CHD3: variants seen among roughly 807,000 people sequenced by gnomAD.
CHD3 encodes chromodomain helicase DNA binding protein 3.
A neutral mutation model predicts 248.9 loss-of-function variants in CHD3; 52 were observed. The ratio of observed to expected loss-of-function variants is 0.21; its 90% CI spans 0.17 to 0.26. CHD3 has a LOEUF of 0.26. CHD3 is among the 10% of genes least tolerant of loss of function. The probability of loss-of-function intolerance (pLI) is 1.00; values close to 1 mark genes in which losing one functional copy is unlikely to be tolerated. For synonymous variants in CHD3, 985 were observed against 985.2 expected (o/e 1.00, Z 0.00); for missense variants, 1,482 against 2,605.8 (o/e 0.57, Z 9.39).
chr17:7,887,191 T>G (rs1417535602), upstream of CHD3, among the ~76,000 whole-genome samples: 1 of 152,240 alleles, frequency 6.6e-6, no homozygotes, highest in Admixed American at 6.5e-5. Flanking sequence ...TCGCTCTTCC[T>G]TGTCTAGAGT....
rs781256088 is a variant in CHD3, at chr17:7,902,927, C to A, written c.3371-10C>A. On this transcript the variant is annotated splice_polypyrimidine_tract_variant and intron_variant, in intron 21 of 39. Transcript: ENST00000330494. ...TACAAGAAAAACCTGATCCAACTCT[C>A]ACCTCCTAGCTCCTGGGGCCCAACA... 6.2e-7 allele frequency: 1 copy of A among 1,613,974 alleles called. No homozygotes were observed. The highest frequency in any genetic ancestry group is 8.5e-7 in the Non-Finnish European group (1 of 1,179,940).
In CHD3 at chr17:7,889,867, G is replaced by T. The variant is rs144713021; in HGVS notation, c.213+91G>T. 1,011 of 1,293,404 alleles carry T rather than the reference G, an allele frequency of 7.8e-4. 6 individuals are homozygous for T. In the African/African-American group the frequency reaches 0.013, roughly 17 times the overall value. The allele number at this position is 1,293,404 out of a possible 1,614,324, so 80.1% of individuals were successfully genotyped here. A position where few individuals can be genotyped will look rare whatever the true frequency, so the allele number is the denominator to read the frequency against. On this transcript the variant is annotated intron_variant, in intron 2 of 39. Coordinates refer to ENST00000330494, the MANE Select transcript of CHD3 (RefSeq NM_001005273.3). This position sits in a 1 kb window ranked among gnomAD's most constrained non-coding sequence, Gnocchi z 4.5. ...TTCTCTGGTCCTGATTACTGGTGTGGGGGTGGGGTTCTGAAGCCAGGGAGG... is the reference window on the plus strand; with the variant it reads ...TTCTCTGGTCCTGATTACTGGTGTGTGGGTGGGGTTCTGAAGCCAGGGAGG...
chr17:7,901,988 T>C (rs1970375153), intron 20 of CHD3, among the ~76,000 whole-genome samples: 1 of 152,164 alleles, frequency 6.6e-6, no homozygotes, highest in East Asian at 1.9e-4. Context: ...ATGAAAGCTC[T>C]GGGTCTACTC....
intron 6 of CHD3, 68 bp downstream of exon 6, chr17:7,894,003 G>A (rs567731285): frequency 6.9e-6 from 11 of 1,604,662 alleles, no homozygotes; most frequent in Middle Eastern, 3.4e-4. Flanking sequence ...ATCCGTGAGG[G>A]CCAAGGATCC....
chr17:7,898,184 A>G lies in CHD3; in HGVS notation c.2051+82A>G. The G allele has an allele frequency of 4.6e-6, 7 of 1,538,456 alleles. No homozygotes were observed. The South Asian group carries it at 7.3e-5, about 16-fold the overall frequency. ...AAACTCCAGCATAAAATGAGGGTAC[A>G]GTAGGGCCTGATTCAACCTGGAGTT... On this transcript the variant is annotated intron_variant, in intron 12 of 39. Coordinates refer to ENST00000330494, the MANE Select transcript of CHD3 (RefSeq NM_001005273.3).
Position 7,909,003 on chromosome 17 carries a change from A to T in CHD3, c.5395-140A>T. On this transcript the variant is annotated intron_variant, in intron 36 of 39. Coordinates refer to ENST00000330494, the MANE Select transcript of CHD3 (RefSeq NM_001005273.3). This position sits in a 1 kb window ranked among gnomAD's most constrained non-coding sequence, Gnocchi z 8.1. Reference sequence around the variant, plus strand: ...TGTGATCTGGGTCAGGGTTGCTGCTAGGTTCGCAGTCGGTTTGGAGCTGGG... The same window carrying T: ...TGTGATCTGGGTCAGGGTTGCTGCTTGGTTCGCAGTCGGTTTGGAGCTGGG... 1 of 1,393,314 alleles carries T rather than the reference A, an allele frequency of 7.2e-7. No homozygotes were observed. The highest frequency in any genetic ancestry group is 9.8e-7 in the Non-Finnish European group (1 of 1,019,532). The allele number at this position is 1,393,314 out of a possible 1,614,324, so 86.3% of individuals were successfully genotyped here. A position where few individuals can be genotyped will look rare whatever the true frequency, so the allele number is the denominator to read the frequency against.
In CHD3 at chr17:7,899,796, C is replaced by T. The variant is rs1254935967; in HGVS notation, c.2545-100C>T. ...CCCTGCTTGGAGAACAGAGTAATGG[C>T]TCCTGTTGGGAGCCACAGTCAGGAC... On this transcript the variant is annotated intron_variant, in intron 15 of 39. Coordinates refer to ENST00000330494, the MANE Select transcript of CHD3 (RefSeq NM_001005273.3). This position sits in a 1 kb window ranked among gnomAD's most constrained non-coding sequence, Gnocchi z 6.8. 6.2e-6 allele frequency: 9 copies of T among 1,441,302 alleles called. No homozygotes were observed. Among genetic ancestry groups the T allele is most frequent in the African/African-American group, 2.8e-5 (2 of 70,890 alleles). 89.3% of individuals were successfully genotyped at this position (1,441,302 alleles called of 1,614,324 possible).
rs754274557 is a variant in CHD3 at position 7,891,094 on chromosome 17, T to A, written c.509+30T>A. The stretch of plus-strand genomic sequence containing the variant: ...GGTAAGACTGGGGAATCCTCGCTAA[T>A]TGACACTTTTAATTTGAGGGAGGTC... On this transcript the variant is annotated intron_variant, in intron 4 of 39. Transcript: ENST00000330494. 1.9e-6 allele frequency: 3 copies of A among 1,610,230 alleles called. No homozygotes were observed. The South Asian group carries it at 3.3e-5, about 18-fold the overall frequency.
Position 7,903,686 on chromosome 17 carries a change from AC to A in CHD3, c.3728-138del. 1 of 1,120,178 alleles carries A rather than the reference AC, an allele frequency of 8.9e-7. No homozygotes were observed. The highest frequency in any genetic ancestry group is 1.6e-5 in the African/African-American group (1 of 63,514). The allele number at this position is 1,120,178 out of a possible 1,614,324, so 69.4% of individuals were successfully genotyped here. A position where few individuals can be genotyped will look rare whatever the true frequency, so the allele number is the denominator to read the frequency against. ...TGCCTGTAGGGTTAAAACAAACAAAACAAAAACCTTTCAACATTGGCTCCCG... is the reference window on the plus strand; with the variant it reads ...TGCCTGTAGGGTTAAAACAAACAAAAAAAAACCTTTCAACATTGGCTCCCG... On this transcript the variant is annotated intron_variant, in intron 23 of 39. Transcript: ENST00000330494. This position sits in a 1 kb window ranked among gnomAD's most constrained non-coding sequence, Gnocchi z 6.8.
At position 7,894,462 on chromosome 17, in the gene CHD3, G is replaced by C; in HGVS notation, c.1123G>C (p.Glu375Gln). ...VAGEEEVDGY[E>Q]TDHQDYCEVC... Reference sequence around the variant, plus strand: ...CGGGGAGGAGGAGGTTGATGGCTACGAGACGGATCACCAGGATTACTGTGA... The same window carrying C: ...CGGGGAGGAGGAGGTTGATGGCTACCAGACGGATCACCAGGATTACTGTGA... The change falls in exon 8 of 40, where the codon GAG becomes CAG. Residue 375 changes from glutamate to glutamine, a missense_variant. Physicochemically the swap from Glu to Gln is conservative, Grantham distance 29 (BLOSUM62 2). This residue lies in a region of CHD3 where 138 missense variants were observed against 241.1 expected (regional missense o/e 0.57). Coordinates refer to ENST00000330494, the MANE Select transcript of CHD3 (RefSeq NM_001005273.3). 6.2e-7 allele frequency: 1 copy of C among 1,614,118 alleles called. No individual in the cohort carries two copies. The highest frequency in any genetic ancestry group is 8.5e-7 in the Non-Finnish European group (1 of 1,180,006).
Position 7,900,192 on chromosome 17 carries a change from G to C in CHD3, c.2683-98G>C. The C allele has an allele frequency of 2.6e-6, 4 of 1,540,670 alleles. No homozygotes were observed. In the South Asian group the frequency reaches 6.2e-5, roughly 24 times the overall value. On this transcript the variant is annotated intron_variant, in intron 16 of 39. Transcript: ENST00000330494. This position sits in a 1 kb window ranked among gnomAD's most constrained non-coding sequence, Gnocchi z 6.5. ...AGAGATTTGGGGCCTCTGATCCTGA[G>C]TGAAATGGGAGCTGGGGCAGGGAAA...
chr17:7,897,122 C>T lies in CHD3; in HGVS notation c.1747C>T (p.Arg583Trp). 1.2e-6 allele frequency: 2 copies of T among 1,614,140 alleles called. No individual in the cohort carries two copies. Among genetic ancestry groups the T allele is most frequent in the Non-Finnish European group, 1.7e-6 (2 of 1,180,004 alleles). Residue 583 changes from arginine (R) to tryptophan (W), a missense_variant, in exon 11 of 40, where the codon CGG becomes TGG. Physicochemically the swap from Arg to Trp is moderately radical, Grantham distance 101. Transcript: ENST00000330494. This position sits in a 1 kb window ranked among gnomAD's most constrained non-coding sequence, Gnocchi z 4.8. ...FHLVMYRNYQ[R>W]KNDMDEPPPL... Reference sequence around the variant, plus strand: ...TTTGGTTATGTATCGAAACTACCAGCGGAAGAATGACATGGATGAGCCCCC... The same window carrying T: ...TTTGGTTATGTATCGAAACTACCAGTGGAAGAATGACATGGATGAGCCCCC...
At position 7,909,597 on chromosome 17, in the gene CHD3, C is replaced by T; in HGVS notation, c.5590+259C>T. The T allele has an allele frequency of 1.9e-6, 1 of 539,072 alleles. No individual in the cohort carries two copies. The highest frequency in any genetic ancestry group is 3.2e-6 in the Non-Finnish European group (1 of 307,954). 33.4% of individuals were successfully genotyped at this position (539,072 alleles called of 1,614,324 possible). A position where few individuals can be genotyped will look rare whatever the true frequency, so the allele number is the denominator to read the frequency against. On this transcript the variant is annotated intron_variant, in intron 37 of 39. Coordinates refer to ENST00000330494, the MANE Select transcript of CHD3 (RefSeq NM_001005273.3). This position sits in a 1 kb window ranked among gnomAD's most constrained non-coding sequence, Gnocchi z 8.1. Reference sequence around the variant, plus strand: ...GGACCTGCCCCAGCCTCTGTGTCCCCTCCACACAGTGGGGCCTCTTCACTG... The same window carrying T: ...GGACCTGCCCCAGCCTCTGTGTCCCTTCCACACAGTGGGGCCTCTTCACTG...
Position 7,907,215 on chromosome 17 carries a change from A to G in CHD3, c.4756A>G (p.Asn1586Asp), listed in dbSNP as rs1463892141. The change falls in exon 31 of 40, where the codon AAC becomes GAC. Residue 1586 changes from asparagine to aspartate, a missense_variant. Asn to Asp is a conservative substitution (Grantham distance 23). Transcript: ENST00000330494. The surrounding 1 kb of genome is among the most constrained non-coding windows in gnomAD (Gnocchi z 4.3). ...AENQEEKPEK[N>D]SRIGEKMETE... ...AAACCAGGAGGAAAAGCCAGAGAAG[A>G]ACAGCAGAATTGGGGAGAAGATGGA... The G allele has an allele frequency of 6.2e-7, 1 of 1,614,242 alleles. No homozygotes were observed.
chr17:7,907,346 C>T lies in CHD3; in HGVS notation c.4789-7C>T, dbSNP rs779900207. 2.5e-6 allele frequency: 4 copies of T among 1,606,708 alleles called. No homozygotes were observed. Among genetic ancestry groups the T allele is most frequent in the Non-Finnish European group, 3.4e-6 (4 of 1,176,076 alleles). The stretch of plus-strand genomic sequence containing the variant: ...TGGCTCATCCTGACCCCATTGTCCT[C>T]TTCCAGGCTGATGCCCCCAGCCCAG... On this transcript the variant is annotated splice_region_variant and splice_polypyrimidine_tract_variant and intron_variant, in intron 31 of 39. Coordinates refer to ENST00000330494, the MANE Select transcript of CHD3 (RefSeq NM_001005273.3). This position sits in a 1 kb window ranked among gnomAD's most constrained non-coding sequence, Gnocchi z 4.3.
At position 7,907,617 on chromosome 17, in the gene CHD3, A is replaced by G; in HGVS notation, c.4941A>G (p.Pro1647=). Residue 1647 remains proline (P), a synonymous_variant, in exon 33 of 40, where the codon CCA becomes CCG. Coordinates refer to ENST00000330494, the MANE Select transcript of CHD3 (RefSeq NM_001005273.3). This position sits in a 1 kb window ranked among gnomAD's most constrained non-coding sequence, Gnocchi z 4.3. ...DREKSATEST[P]GERGEEKPLD... is the part of the protein sequence containing the mutation. The stretch of plus-strand genomic sequence containing the variant: ...CTCCCACAGCCACAGAGTCGACGCC[A>G]GGAGAAAGGGGGGAGGAGAAGCCGT... The G allele has an allele frequency of 6.6e-7, 1 of 1,518,278 alleles. No homozygotes were observed. The highest frequency in any genetic ancestry group is 2.6e-5 in the Admixed American group (1 of 38,790). 94.1% of individuals were successfully genotyped at this position (1,518,278 alleles called of 1,614,324 possible).
Position 7,890,291 on chromosome 17 carries a change from C to T in CHD3, c.214-280C>T, listed in dbSNP as rs141586164. 948 of 275,034 alleles carry T rather than the reference C, an allele frequency of 3.4e-3. 3 individuals are homozygous for T. The highest frequency in any genetic ancestry group is 4.8e-3 in the Non-Finnish European group (698 of 146,462). The allele number at this position is 275,034 out of a possible 1,614,324, so 17.0% of individuals were successfully genotyped here. On this transcript the variant is annotated intron_variant, in intron 2 of 39. Transcript: ENST00000330494. ...ACTAAAAATACAAAAATCAGCCGGGCGCGGTGGTACGTCTGTAATCCCAGC... is the reference window on the plus strand; with the variant it reads ...ACTAAAAATACAAAAATCAGCCGGGTGCGGTGGTACGTCTGTAATCCCAGC...
chr17:7,903,718 A>G lies in CHD3; in HGVS notation c.3728-107A>G, dbSNP rs1970573822. 4.6e-6 allele frequency: 6 copies of G among 1,296,516 alleles called. No individual in the cohort carries two copies. The highest frequency in any genetic ancestry group is 1.5e-5 in the African/African-American group (1 of 67,176). The allele number at this position is 1,296,516 out of a possible 1,614,324, so 80.3% of individuals were successfully genotyped here. ...CCTTTCAACATTGGCTCCCGGGGAAAAAGCCTTCTCTAGGGCTCCTGTGAA... is the reference window on the plus strand; with the variant it reads ...CCTTTCAACATTGGCTCCCGGGGAAGAAGCCTTCTCTAGGGCTCCTGTGAA... On this transcript the variant is annotated intron_variant, in intron 23 of 39. Coordinates refer to ENST00000330494, the MANE Select transcript of CHD3 (RefSeq NM_001005273.3). The surrounding 1 kb of genome is among the most constrained non-coding windows in gnomAD (Gnocchi z 6.8).
rs774619622 is a variant in CHD3 at position 7,895,204 on chromosome 17, C to A, written c.1503+54C>A. 1.3e-6 allele frequency: 2 copies of A among 1,592,460 alleles called. No individual in the cohort carries two copies. The highest frequency in any genetic ancestry group is 1.7e-6 in the Non-Finnish European group (2 of 1,166,670). On this transcript the variant is annotated intron_variant, in intron 9 of 39. Coordinates refer to ENST00000330494, the MANE Select transcript of CHD3 (RefSeq NM_001005273.3). The surrounding 1 kb of genome is among the most constrained non-coding windows in gnomAD (Gnocchi z 4.9). ...TACTGTCAGGCCTGATCCCTTCCCC[C>A]ATCCCTGGGGCCCACATGTCCAGCT...
Sources: gnomAD v4.1 joint callset for allele counts (sites outside exome capture counted in the v4.1 genomes callset) on GRCh38, gnomAD v4.1.1 for gene constraint, gnomAD v4.1.1 regional missense constraint, Gnocchi (gnomAD v3.1) non-coding constraint, MANE v1.5 for transcripts, NCBI Gene and HGNC (gene_info 2026-07-23, HGNC 2026-07-21) for gene names.